The following LDAH variants were observed in gnomAD, a reference collection of about 807,000 sequenced individuals.
The protein encoded by LDAH is lipid droplet associated hydrolase.
LDAH carries 26 observed loss-of-function variants against 29.6 expected under a neutral mutation model. The ratio of observed to expected loss-of-function variants is 0.88; its 90% CI spans 0.64 to 1.22. The LOEUF is 1.22. Ranked by LOEUF, LDAH falls within the 50% of genes most tolerant of loss-of-function variation. The probability of loss-of-function intolerance (pLI) is 0.00; values close to 1 mark genes in which losing one functional copy is unlikely to be tolerated. For synonymous variants in LDAH, 117 were observed against 133.0 expected (o/e 0.88, Z 0.83); for missense variants, 344 against 387.3 (o/e 0.89, Z 0.94).
intron 3 of LDAH, 88 bp downstream of exon 3, chr2:20,790,167 A>G: frequency 7.3e-7 from 1 of 1,373,382 alleles, no homozygotes; most frequent in Non-Finnish European, 1.0e-6. Context: ...AGAGGTTTCC[A>G]CTGGTGTAAC....
At chr2:20,742,098 T>C (rs911062402) in intron 4 of LDAH, among the ~76,000 whole-genome samples, 2 of 152,364 alleles carry the variant, frequency 1.3e-5, no homozygotes, top group African/African-American at 4.8e-5. Context: ...TCCATGTATT[T>C]TGGGACTTTC....
At chr2:20,688,246 A>G (rs1662710474) in intron 6 of LDAH, among the ~76,000 whole-genome samples, 1 of 152,194 alleles carries the variant, frequency 6.6e-6, no homozygotes, top group Non-Finnish European at 1.5e-5. Context: ...GCCTCAGTTG[A>G]GTCTTCAAGC....
At chr2:20,743,958 A>G (rs1222720265) in intron 4 of LDAH, among the ~76,000 whole-genome samples, 1 of 151,418 alleles carries the variant, frequency 6.6e-6, no homozygotes, top group Non-Finnish European at 1.5e-5. Context: ...TCAGGCTCAG[A>G]GACTCTTTCT....
At chr2:20,729,715 G>C (rs1245597594) in intron 5 of LDAH, among the ~76,000 whole-genome samples, 1 of 152,188 alleles carries the variant, frequency 6.6e-6, no homozygotes, top group Non-Finnish European at 1.5e-5. Flanking sequence ...ATAATATAGA[G>C]AAATCCATGT....
intron 2 of LDAH, among the ~76,000 whole-genome samples, chr2:20,791,002 T>C (rs1328044062): frequency 1.3e-5 from 2 of 152,298 alleles, no homozygotes; most frequent in Admixed American, 1.3e-4. Flanking sequence ...CTATATAAAG[T>C]CTTCACAGCT....
chr2:20,783,435 T>C (rs1670340254), intron 3 of LDAH, among the ~76,000 whole-genome samples: 1 of 152,234 alleles, frequency 6.6e-6, no homozygotes, highest in African/African-American at 2.4e-5. Flanking sequence ...AATAGTGCAG[T>C]CTATCAGTTT....
intron 5 of LDAH, among the ~76,000 whole-genome samples, chr2:20,727,220 T>TA (rs890793727): frequency 1.3e-5 from 2 of 151,978 alleles, no homozygotes; most frequent in African/African-American, 4.8e-5. Flanking sequence ...CTAATATAAA[T>TA]AAATAAATAA....
chr2:20,782,338 C>G (rs918702515), intron 3 of LDAH, among the ~76,000 whole-genome samples: 1 of 152,194 alleles, frequency 6.6e-6, no homozygotes, highest in South Asian at 2.1e-4. Flanking sequence ...CATTCATGTT[C>G]TCTTCAAATG....
chr2:20,701,251 A>T (rs1453586601), intron 6 of LDAH, among the ~76,000 whole-genome samples: 1 of 152,198 alleles, frequency 6.6e-6, no homozygotes, highest in Non-Finnish European at 1.5e-5. Context: ...ATATTCCAAC[A>T]TTATTTATTC....
intron 4 of LDAH, among the ~76,000 whole-genome samples, chr2:20,746,365 T>C (rs547602130): frequency 2.0e-5 from 3 of 152,330 alleles, no homozygotes; most frequent in South Asian, 4.1e-4. Flanking sequence ...AGGGTTATAT[T>C]TGATTGATCT....
At chr2:20,721,170 A>G (rs754572243) in intron 5 of LDAH, among the ~76,000 whole-genome samples, 10 of 152,172 alleles carry the variant, frequency 6.6e-5, no homozygotes, top group East Asian at 3.9e-4. Flanking sequence ...AAAAGTAAAC[A>G]ATCAACAAAG....
intron 2 of LDAH, among the ~76,000 whole-genome samples, chr2:20,793,178 T>C (rs574351678): frequency 2.6e-5 from 4 of 152,168 alleles, no homozygotes; most frequent in African/African-American, 9.6e-5. Flanking sequence ...TATGTACTAG[T>C]GGGAGAATAT....
At chr2:20,792,991 C>G (rs2125080164) in intron 2 of LDAH, among the ~76,000 whole-genome samples, 1 of 152,198 alleles carries the variant, frequency 6.6e-6, no homozygotes, top group South Asian at 2.1e-4. Flanking sequence ...AGTCTGAGTT[C>G]TTAAGCTTTC....
intron 1 of LDAH, among the ~76,000 whole-genome samples, chr2:20,817,005 T>C (rs1199169866): frequency 2.6e-5 from 4 of 152,000 alleles, no homozygotes; most frequent in Admixed American, 1.3e-4. Flanking sequence ...ATTTAAACTA[T>C]ATAGAACTGG....
chr2:20,794,473 G>A (rs1305296750), intron 2 of LDAH, among the ~76,000 whole-genome samples: 8 of 151,998 alleles, frequency 5.3e-5, no homozygotes, highest in Non-Finnish European at 1.2e-4. Flanking sequence ...ACTATACCTC[G>A]TGAACAAAGA....
intron 5 of LDAH, among the ~76,000 whole-genome samples, chr2:20,726,249 G>C (rs1425383026): frequency 1.3e-5 from 2 of 152,304 alleles, no homozygotes; most frequent in East Asian, 3.9e-4. Flanking sequence ...GGTAGGAGCT[G>C]ACTGAAAAAG....
intron 6 of LDAH, 119 bp downstream of exon 6, chr2:20,701,451 C>T: frequency 2.6e-6 from 2 of 783,162 alleles, no homozygotes; most frequent in South Asian, 1.9e-5. Flanking sequence ...GGAAGTAGAA[C>T]TCTATGTCAT....
At chr2:20,711,789 G>A (rs1183167182) in intron 5 of LDAH, among the ~76,000 whole-genome samples, 15 of 152,228 alleles carry the variant, frequency 9.9e-5, no homozygotes, top group South Asian at 4.1e-4. Flanking sequence ...CACTGCTAGC[G>A]CAGCAGTCTG....
intron 5 of LDAH, among the ~76,000 whole-genome samples, chr2:20,705,746 T>C (rs1029169206): frequency 7.9e-5 from 12 of 152,184 alleles, no homozygotes; most frequent in Admixed American, 7.9e-4. Flanking sequence ...ATGCAGAAAT[T>C]ATATGAGTAG....
Sources: allele counts gnomAD v4.1 joint callset (sites outside exome capture counted in the v4.1 genomes callset), GRCh38; gene constraint gnomAD v4.1.1; transcripts MANE v1.5; gene names NCBI Gene and HGNC (gene_info 2026-07-23, HGNC 2026-07-21).